HAPLN1: variants seen among roughly 807,000 people sequenced by gnomAD.
HAPLN1 encodes Cartilage link protein.
Under a neutral mutation model 36.5 loss-of-function variants are expected in HAPLN1, and 13 were observed. The observed-to-expected ratio is 0.36, with a 90% CI of 0.23 to 0.57. The LOEUF (loss-of-function observed/expected upper bound fraction) is 0.57, where lower values mean the gene tolerates loss of function less well. Among genes scored for constraint, HAPLN1 ranks in the 20% least tolerant of loss-of-function variants. HAPLN1 has a pLI of 0.83. For synonymous variants in HAPLN1, 202 were observed against 169.8 expected (o/e 1.19, Z -1.48); for missense variants, 407 against 439.7 (o/e 0.93, Z 0.66).
At chr5:83,672,615 C>T (rs1750759117) in intron 2 of HAPLN1, among the ~76,000 whole-genome samples, 1 of 152,204 alleles carries the variant, frequency 6.6e-6, no homozygotes, top group African/African-American at 2.4e-5. Context: ...ACGCTTTTGA[C>T]CTTGAAGATG....
intron 1 of HAPLN1, among the ~76,000 whole-genome samples, chr5:83,686,319 A>G (rs1751126113): frequency 6.6e-6 from 1 of 152,208 alleles, no homozygotes; most frequent in African/African-American, 2.4e-5. Flanking sequence ...ACAACGAAAC[A>G]GCTGTTGCTA....
At chr5:83,712,225 A>C (rs1344721625) in intron 1 of HAPLN1, among the ~76,000 whole-genome samples, 1 of 152,182 alleles carries the variant, frequency 6.6e-6, no homozygotes, top group Non-Finnish European at 1.5e-5. Flanking sequence ...GTAATTAACA[A>C]GGGTCAAGAT....
At chr5:83,708,781 T>G (rs542035181) in intron 1 of HAPLN1, among the ~76,000 whole-genome samples, 1 of 152,268 alleles carries the variant, frequency 6.6e-6, no homozygotes, top group East Asian at 1.9e-4. Flanking sequence ...TTCTGCTACA[T>G]TAAAAATATT....
intron 3 of HAPLN1, among the ~76,000 whole-genome samples, chr5:83,651,154 G>T (rs1750051958): frequency 6.6e-6 from 1 of 152,006 alleles, no homozygotes; most frequent in Non-Finnish European, 1.5e-5. Context: ...TATAAACATA[G>T]GGTTTTAGAA....
At position 83,644,676 on chromosome 5, in the gene HAPLN1, G is replaced by A. The variant is rs1278972144; in HGVS notation, c.473-11C>T. The A allele has an allele frequency of 7.1e-7, 1 of 1,406,496 alleles. No homozygotes were observed. The highest frequency in any genetic ancestry group is 9.3e-7 in the Non-Finnish European group (1 of 1,073,280). The allele number at this position is 1,406,496 out of a possible 1,614,324, so 87.1% of individuals were successfully genotyped here. ...AAGGGAATACCACACCTGTCCAAAG[G>A]AGAAAGCAAGGAGTTGTTAGAAGCC... On this transcript the variant is annotated splice_polypyrimidine_tract_variant and intron_variant, in intron 3 of 4. Transcript: ENST00000274341.
chr5:83,714,352 A>G (rs1751867696), intron 1 of HAPLN1, among the ~76,000 whole-genome samples: 1 of 152,228 alleles, frequency 6.6e-6, no homozygotes, highest in Non-Finnish European at 1.5e-5. Context: ...GCATAATCTA[A>G]TGGGGTATAA....
intron 4 of HAPLN1, among the ~76,000 whole-genome samples, chr5:83,643,102 T>A (rs532488767): frequency 2.6e-5 from 4 of 152,044 alleles, no homozygotes; most frequent in Non-Finnish European, 4.4e-5. Context: ...GGCAGGCTGA[T>A]CATGTGAGGT....
intron 2 of HAPLN1, among the ~76,000 whole-genome samples, chr5:83,671,845 G>T (rs974811272): frequency 1.3e-5 from 2 of 152,174 alleles, no homozygotes; most frequent in African/African-American, 2.4e-5. Flanking sequence ...CAATTAAAAT[G>T]AAGTGGACTA....
Position 83,637,998 on chromosome 5 carries a change from C to T in HAPLN1, c.*3498G>A, listed in dbSNP as rs755277508. 27 of 145,908 alleles carry T rather than the reference C, an allele frequency of 1.9e-4. No homozygotes were observed. The highest frequency in any genetic ancestry group is 5.8e-4 in the African/African-American group (23 of 39,382). 9.0% of individuals were successfully genotyped at this position (145,908 alleles called of 1,614,324 possible). On this transcript the variant is annotated 3_prime_UTR_variant, in exon 5 of 5. Coordinates refer to ENST00000274341, the MANE Select transcript of HAPLN1 (RefSeq NM_001884.4). Reference sequence around the variant, plus strand: ...TGGGATAATACTATAGTTGATTTAGCGACACCATATAAATGCTCTTTTTTT... The same window carrying T: ...TGGGATAATACTATAGTTGATTTAGTGACACCATATAAATGCTCTTTTTTT...
At chr5:83,687,083 G>A (rs139701524) in intron 1 of HAPLN1, among the ~76,000 whole-genome samples, 1 of 152,212 alleles carries the variant, frequency 6.6e-6, no homozygotes, top group African/African-American at 2.4e-5. Flanking sequence ...AAACAAAACT[G>A]ATATAAGGAA....
At position 83,641,433 on chromosome 5, in the gene HAPLN1, A is replaced by G; in HGVS notation, c.*63T>C. 8.3e-6 allele frequency: 11 copies of G among 1,317,922 alleles called. No homozygotes were observed. Among genetic ancestry groups the G allele is most frequent in the African/African-American group, 4.5e-5 (3 of 66,750 alleles). The allele number at this position is 1,317,922 out of a possible 1,614,324, so 81.6% of individuals were successfully genotyped here. A position where few individuals can be genotyped will look rare whatever the true frequency, so the allele number is the denominator to read the frequency against. On this transcript the variant is annotated 3_prime_UTR_variant, in exon 5 of 5. Transcript: ENST00000274341. The stretch of plus-strand genomic sequence containing the variant: ...GGTAACTTGCATGAGTTCATATTGG[A>G]AAAAAAAAACACCTTTCACATGTTC...
rs1750856887 is a variant in HAPLN1 at position 83,676,195 on chromosome 5, T to TACGCACACATAC, written c.-26-2647_-26-2646insGTATGTGTGCGT. On this transcript the variant is annotated intron_variant, in intron 1 of 4. Coordinates refer to ENST00000274341, the MANE Select transcript of HAPLN1 (RefSeq NM_001884.4). ...ACATACACAGAGATACGCACACATA[T>TACGCACACATAC]ACAGAGATACGCACACATACACAGA... is the stretch of plus-strand genomic sequence containing the variant. Among the ~76,000 whole-genome samples the TACGCACACATAC allele has an allele frequency of 9.0e-3, 915 of 101,842 alleles. 40 individuals carry two copies. The highest frequency in any genetic ancestry group is 0.031 in the African/African-American group (867 of 28,054). The allele number at this position is 101,842 out of a possible 152,430, so 66.8% of individuals were successfully genotyped here.
intron 1 of HAPLN1, among the ~76,000 whole-genome samples, chr5:83,717,137 C>A (rs1424932128): frequency 6.6e-6 from 1 of 152,118 alleles, no homozygotes; most frequent in Non-Finnish European, 1.5e-5. Flanking sequence ...AATGAGTATG[C>A]AATTCATTCT....
intron 1 of HAPLN1, among the ~76,000 whole-genome samples, chr5:83,693,574 TG>T (rs1329286905): frequency 1.5e-5 from 2 of 137,762 alleles, no homozygotes; most frequent in Admixed American, 7.2e-5. Flanking sequence ...AACCACTATA[TG>T]TTTTTTAAGA....
chr5:83,720,160 T>C (rs1457944268), intron 1 of HAPLN1, among the ~76,000 whole-genome samples: 3 of 152,210 alleles, frequency 2.0e-5, no homozygotes, highest in African/African-American at 7.2e-5. Context: ...ATCTTAACTA[T>C]GACTATAAAT....
intron 2 of HAPLN1, among the ~76,000 whole-genome samples, chr5:83,664,470 C>A (rs1388683863): frequency 6.6e-6 from 1 of 152,044 alleles, no homozygotes; most frequent in Non-Finnish European, 1.5e-5. Flanking sequence ...GCAATCTCCT[C>A]CTCCCGGGTT....
chr5:83,682,017 T>C (rs1270857825), intron 1 of HAPLN1, among the ~76,000 whole-genome samples: 1 of 152,164 alleles, frequency 6.6e-6, no homozygotes, highest in Non-Finnish European at 1.5e-5. Flanking sequence ...AGGAAATCGA[T>C]CATTACGTCA....
intron 1 of HAPLN1, among the ~76,000 whole-genome samples, chr5:83,701,188 A>G (rs760708890): frequency 1.3e-5 from 2 of 152,250 alleles, no homozygotes; most frequent in Non-Finnish European, 2.9e-5. Context: ...ACGATGTGAC[A>G]AAAATAACAA....
rs1431934490 is a variant in HAPLN1 at position 83,638,902 on chromosome 5, GA to G, written c.*2593del. ...TGTAGATGTCTCAGTGAAATGTGCA[GA>G]TATACTTTGTTCCTTATATGGTCAC... On this transcript the variant is annotated 3_prime_UTR_variant, in exon 5 of 5. Coordinates refer to ENST00000274341, the MANE Select transcript of HAPLN1 (RefSeq NM_001884.4). 1.3e-5 allele frequency: 2 copies of G among 151,964 alleles called. No homozygotes were observed. Among genetic ancestry groups the G allele is most frequent in the Non-Finnish European group, 2.9e-5 (2 of 67,898 alleles). 9.4% of individuals were successfully genotyped at this position (151,964 alleles called of 1,614,324 possible).
Sources: gnomAD v4.1 joint callset for allele counts (sites outside exome capture counted in the v4.1 genomes callset) on GRCh38, gnomAD v4.1.1 for gene constraint, MANE v1.5 for transcripts, NCBI Gene and HGNC (gene_info 2026-07-23, HGNC 2026-07-21) for gene names.